Variants in PDGFRA observed in about 807,000 individuals in gnomAD.
PDGFRA encodes platelet-derived growth factor receptor alpha.
In PDGFRA, 25 loss-of-function variants were observed where a neutral mutation model predicts 121.5. The ratio of observed to expected loss-of-function variants is 0.21; its 90% CI spans 0.15 to 0.29. PDGFRA has a LOEUF of 0.29. Ranked by LOEUF, PDGFRA falls within the 10% of genes least tolerant of loss-of-function variation. The pLI is 1.00. For missense variants in PDGFRA, 1,008 were observed against 1,345.1 expected, an observed-to-expected ratio of 0.75 and a Z score of 3.92; for synonymous variants, 463 against 494.8, an observed-to-expected ratio of 0.94 and a Z score of 0.85.
chr4:54,237,674 C>T (rs1346172692), intron 1 of PDGFRA, among the ~76,000 whole-genome samples: 1 of 152,230 alleles, frequency 6.6e-6, no homozygotes. Flanking sequence ...GCCTTGCATC[C>T]CAGGCACATG....
chr4:54,281,586 G>T (rs1189852850), intron 16 of PDGFRA: 2 of 1,350,104 alleles, frequency 1.5e-6, no homozygotes, highest in Non-Finnish European at 1.9e-6. Context: ...CCCAGGCTGG[G>T]CTGGTGGAGT....
At chr4:54,290,647 G>C in intron 22 of PDGFRA, 93 bp downstream of exon 22, 1 of 1,428,814 alleles carries the variant, frequency 7.0e-7, no homozygotes, top group Non-Finnish European at 9.9e-7. Flanking sequence ...GTGCACTCCC[G>C]GTTGGTAAAT....
At chr4:54,243,329 T>C (rs1260293093) in intron 1 of PDGFRA, among the ~76,000 whole-genome samples, 1 of 152,226 alleles carries the variant, frequency 6.6e-6, no homozygotes, top group Non-Finnish European at 1.5e-5. Context: ...TTATAGCATA[T>C]GTAATTGAGA....
intron 1 of PDGFRA, chr4:54,243,521 G>A (rs925153478): frequency 1.9e-4 from 29 of 152,220 alleles, no homozygotes; most frequent in Non-Finnish European, 4.0e-4. Context: ...GTATATGAAA[G>A]ATTAACATTT....
Position 54,282,287 on chromosome 4 carries a change from C to T in PDGFRA, c.2323+1805C>T, listed in dbSNP as rs76466011. Among the ~76,000 whole-genome samples the T allele has an allele frequency of 2.6e-3, 395 of 152,138 alleles. 1 individual carries two copies. The highest frequency in any genetic ancestry group is 5.2e-3 in the Admixed American group (79 of 15,278). On this transcript the variant is annotated intron_variant, in intron 16 of 22. Transcript: ENST00000257290. The stretch of plus-strand genomic sequence containing the variant: ...TTAGTTCATGATTCTGCAGGCTTTA[C>T]AGGAATCAAGATACTGGTAGATCTG...
intron 1 of PDGFRA, among the ~76,000 whole-genome samples, chr4:54,236,738 G>A (rs934930001): frequency 2.0e-5 from 3 of 152,034 alleles, no homozygotes; most frequent in Admixed American, 6.6e-5. Flanking sequence ...GGGAGGCAGA[G>A]GTTGCAATGA....
chr4:54,272,246 C>G, intron 8 of PDGFRA, 148 bp from the exon 9 acceptor site: 1 of 776,054 alleles, frequency 1.3e-6, no homozygotes, highest in East Asian at 2.5e-5. Context: ...TCTGTCTAAA[C>G]TGGAGTGTTA....
chr4:54,254,046 T>A (rs975449668), intron 1 of PDGFRA, among the ~76,000 whole-genome samples: 24 of 152,146 alleles, frequency 1.6e-4, no homozygotes, highest in African/African-American at 5.3e-4. Flanking sequence ...TTACTTATAT[T>A]TGTGCACCTG....
intron 1 of PDGFRA, among the ~76,000 whole-genome samples, chr4:54,245,583 C>A (rs1189486088): frequency 2.0e-5 from 3 of 152,240 alleles, no homozygotes; most frequent in East Asian, 3.9e-4. Flanking sequence ...TGGAAAGGAA[C>A]AACCGGTACC....
rs1553902958 is a variant in PDGFRA at position 54,265,045 on chromosome 4, A to T, written c.755A>T (p.Glu252Val). The change falls in exon 5 of 23, where the codon GAA becomes GTA. Residue 252 changes from glutamate to valine, a missense_variant. This residue lies in a region of PDGFRA where 575 missense variants were observed against 701.8 expected (regional missense o/e 0.82). Coordinates refer to ENST00000257290, the MANE Select transcript of PDGFRA (RefSeq NM_006206.6). The part of the protein sequence containing the change: ...VVDLQWTYPG[E>V]VKGKGITMLE... ...GACCTTCAATGGACTTACCCTGGAG[A>T]AGTGGTAGGTACCCTCAAAACGTGC... 6.2e-7 allele frequency: 1 copy of T among 1,613,574 alleles called. No individual in the cohort carries two copies. The highest frequency in any genetic ancestry group is 1.3e-5 in the African/African-American group (1 of 74,970).
At chr4:54,280,507 G>T (rs2110325468) in intron 16 of PDGFRA, 25 bp downstream of exon 16, 2 of 1,587,506 alleles carry the variant, frequency 1.3e-6, no homozygotes, top group Non-Finnish European at 1.7e-6. Context: ...ACTCACTCTG[G>T]GTGTTGGGAC....
intron 22 of PDGFRA, among the ~76,000 whole-genome samples, chr4:54,291,086 A>C (rs965296241): frequency 1.3e-5 from 2 of 152,110 alleles, no homozygotes; most frequent in Non-Finnish European, 2.9e-5. Flanking sequence ...TCTTTCTTTT[A>C]AATTTTGTAT....
intron 8 of PDGFRA, among the ~76,000 whole-genome samples, 197 bp from the exon 9 acceptor site, chr4:54,272,196 CA>C (rs1723438223): frequency 6.6e-6 from 1 of 151,770 alleles, no homozygotes; most frequent in Non-Finnish European, 1.5e-5. Flanking sequence ...GGATAAATCT[CA>C]AAACACCAAA....
chr4:54,288,564 G>A (rs941938186), intron 19 of PDGFRA, among the ~76,000 whole-genome samples: 1 of 152,088 alleles, frequency 6.6e-6, no homozygotes, highest in Middle Eastern at 3.4e-3. Flanking sequence ...TATTTCTAAA[G>A]ATGTAGAATT....
chr4:54,273,478 C>T, intron 9 of PDGFRA, 59 bp from the exon 10 acceptor site: 1 of 1,354,322 alleles, frequency 7.4e-7, no homozygotes, highest in Non-Finnish European at 1.1e-6. Context: ...TCCCGTGGCT[C>T]CACTCATTGC....
intron 1 of PDGFRA, among the ~76,000 whole-genome samples, chr4:54,244,911 C>T (rs903820019): frequency 2.0e-5 from 3 of 152,044 alleles, no homozygotes; most frequent in Non-Finnish European, 4.4e-5. Context: ...TCAAGAACTA[C>T]ATGAAGAATG....
rs1454468614 is a variant in PDGFRA at position 54,267,610 on chromosome 4, T to C, written c.990T>C (p.His330=). 5 of 1,614,222 alleles carry C rather than the reference T, an allele frequency of 3.1e-6. No individual in the cohort carries two copies. Among genetic ancestry groups the C allele is most frequent in the Non-Finnish European group, 3.4e-6 (4 of 1,180,044 alleles). Residue 330 remains histidine, a synonymous_variant, in exon 7 of 23, where the codon CAT becomes CAC. Transcript: ENST00000257290. ...TFSQLEAVNL[H]EVKHFVVEVR... is the part of the protein sequence containing the mutation. ...GCCAGTTGGAAGCTGTCAACCTGCATGAAGTCAAACATTTTGTTGTAGAGG... is the reference window on the plus strand; with the variant it reads ...GCCAGTTGGAAGCTGTCAACCTGCACGAAGTCAAACATTTTGTTGTAGAGG...
At chr4:54,232,435 T>A (rs2110165514) in intron 1 of PDGFRA, among the ~76,000 whole-genome samples, 1 of 152,292 alleles carries the variant, frequency 6.6e-6, no homozygotes, top group Middle Eastern at 3.4e-3. Flanking sequence ...GAGGGAATAA[T>A]GGGAAACCCG....
chr4:54,231,647 G>A (rs1438064455), intron 1 of PDGFRA, among the ~76,000 whole-genome samples: 1 of 152,226 alleles, frequency 6.6e-6, no homozygotes, highest in African/African-American at 2.4e-5. Context: ...TCGACTCCCC[G>A]ACAGGCGCAA....
Sources: allele counts gnomAD v4.1 joint callset (sites outside exome capture counted in the v4.1 genomes callset), GRCh38; gene constraint gnomAD v4.1.1; regional missense constraint gnomAD v4.1.1; transcripts MANE v1.5; gene names NCBI Gene and HGNC (gene_info 2026-07-23, HGNC 2026-07-21).